Variants in SNTA1 observed in about 807,000 individuals in gnomAD.
SNTA1 encodes the protein syntrophin alpha 1, also known as alpha-1-syntrophin.
SNTA1 carries 31 observed loss-of-function variants against 47.1 expected under a neutral mutation model. That is an observed-to-expected ratio of 0.66 (90% CI 0.49 to 0.89). SNTA1 has a LOEUF of 0.89. Ranked by LOEUF, SNTA1 falls within the 40% of genes least tolerant of loss-of-function variation. The pLI, the probability that SNTA1 is intolerant of heterozygous loss-of-function variation, is 0.00. For missense variants in SNTA1, 575 were observed against 693.0 expected, an observed-to-expected ratio of 0.83 and a Z score of 1.91; for synonymous variants, 300 against 313.6, an observed-to-expected ratio of 0.96 and a Z score of 0.46.
chr20:33,435,387 G>A (rs761953269), intron 2 of SNTA1, among the ~76,000 whole-genome samples: 7 of 151,092 alleles, frequency 4.6e-5, no homozygotes, highest in Non-Finnish European at 7.4e-5. Flanking sequence ...CACTGAGGCC[G>A]GGAGTTCGAG....
intron 2 of SNTA1, among the ~76,000 whole-genome samples, chr20:33,431,614 T>G (rs1302961356): frequency 6.6e-6 from 1 of 151,960 alleles, no homozygotes; most frequent in Non-Finnish European, 1.5e-5. Context: ...CCAGGCATGG[T>G]GGCACGCGCC....
chr20:33,425,222 A>T (rs1422110428), intron 2 of SNTA1, among the ~76,000 whole-genome samples: 2 of 152,044 alleles, frequency 1.3e-5, no homozygotes, highest in African/African-American at 4.8e-5. Context: ...GGCTGCTATG[A>T]TCATGCAACT....
chr20:33,440,318 T>TG (rs1314520600), intron 1 of SNTA1, among the ~76,000 whole-genome samples: 9 of 151,844 alleles, frequency 5.9e-5, no homozygotes, highest in Admixed American at 1.3e-4. Flanking sequence ...TAGCCGGGCA[T>TG]GGGGGCGCAT....
intron 2 of SNTA1, among the ~76,000 whole-genome samples, chr20:33,429,545 G>A (rs1237636997): frequency 1.3e-5 from 2 of 151,356 alleles, no homozygotes; most frequent in African/African-American, 2.4e-5. Flanking sequence ...CACGAGAATC[G>A]CTTGAACCCA....
chr20:33,413,890 T>C lies in SNTA1; in HGVS notation c.702-1108A>G, dbSNP rs190628887. On this transcript the variant is annotated intron_variant, in intron 3 of 7. Coordinates refer to ENST00000217381, the MANE Select transcript of SNTA1 (RefSeq NM_003098.3). ...AGGAGTTTGAGGCTGCAGTAAGCTA[T>C]AAGGGTGCCAGTGCACTCCAGCCTA... 2.0e-5 allele frequency among the ~76,000 whole-genome samples: 3 copies of C among 151,010 alleles called. No homozygotes were observed. In the East Asian group the frequency reaches 5.9e-4, roughly 30 times the overall value.
chr20:33,416,838 G>A (rs1184384365), intron 3 of SNTA1, among the ~76,000 whole-genome samples: 2 of 151,810 alleles, frequency 1.3e-5, no homozygotes, highest in Non-Finnish European at 2.9e-5. Flanking sequence ...CTACTTGGGA[G>A]GCTGAGGGAG....
rs180921012 is a variant in SNTA1 at position 33,438,730 on chromosome 20, C to T, written c.496+111G>A. 14,751 of 936,458 alleles carry T rather than the reference C, an allele frequency of 0.016. 176 individuals carry two copies. The highest frequency in any genetic ancestry group is 0.018 in the Non-Finnish European group (9,996 of 569,166). 58.0% of individuals were successfully genotyped at this position (936,458 alleles called of 1,614,324 possible). A position where few individuals can be genotyped will look rare whatever the true frequency, so the allele number is the denominator to read the frequency against. ...TTCTGTTTCTGTTTTCAGTCCTGCC[C>T]ACCTCCCAGCCCCCAGTGCTGGGAT... On this transcript the variant is annotated intron_variant, in intron 2 of 7. Coordinates refer to ENST00000217381, the MANE Select transcript of SNTA1 (RefSeq NM_003098.3).
At chr20:33,424,231 T>G (rs144945168) in intron 2 of SNTA1, among the ~76,000 whole-genome samples, 2,462 of 150,300 alleles carry the variant, frequency 0.016, 61 homozygotes, top group African/African-American at 0.056. Flanking sequence ...GGAGAGTGGC[T>G]TGAACGTGGG....
intron 2 of SNTA1, among the ~76,000 whole-genome samples, chr20:33,423,045 T>C (rs291686): frequency 0.61 from 92,396 of 151,892 alleles, 28,881 homozygotes; most frequent in South Asian, 0.69. Context: ...GTCTGACTCT[T>C]CTCTGTGTCC....
At chr20:33,431,144 C>A (rs919609724) in intron 2 of SNTA1, among the ~76,000 whole-genome samples, 1 of 151,992 alleles carries the variant, frequency 6.6e-6, no homozygotes, top group African/African-American at 2.4e-5. Flanking sequence ...GCCTGTAGTC[C>A]CAGCTACTGG....
At chr20:33,439,759 C>G (rs142286919) in intron 1 of SNTA1, among the ~76,000 whole-genome samples, 1 of 152,018 alleles carries the variant, frequency 6.6e-6, no homozygotes, top group East Asian at 1.9e-4. Flanking sequence ...CCAAGGTGGT[C>G]GGATCACTTG....
rs1033072809 is a variant in SNTA1, at chr20:33,443,191, A to AC, written c.310+119dup. On this transcript the variant is annotated intron_variant, in intron 1 of 7. Coordinates refer to ENST00000217381, the MANE Select transcript of SNTA1 (RefSeq NM_003098.3). ...TGCCCTCCGTTACCTGTTTCCTCAG[A>AC]CCCCCCTTACCCCCAGACAGGAAGC... 410 of 695,188 alleles carry AC rather than the reference A, an allele frequency of 5.9e-4. 1 individual carries two copies. The highest frequency in any genetic ancestry group is 1.0e-3 in the African/African-American group (53 of 52,084). 43.1% of individuals were successfully genotyped at this position (695,188 alleles called of 1,614,324 possible). A position where few individuals can be genotyped will look rare whatever the true frequency, so the allele number is the denominator to read the frequency against.
At chr20:33,442,926 A>T (rs1990611573) in intron 1 of SNTA1, among the ~76,000 whole-genome samples, 1 of 149,270 alleles carries the variant, frequency 6.7e-6, no homozygotes, top group Non-Finnish European at 1.5e-5. Context: ...CTTCTCAGGG[A>T]CTCCCTCCTC....
intron 2 of SNTA1, among the ~76,000 whole-genome samples, chr20:33,424,524 A>G (rs1278118165): frequency 6.6e-6 from 1 of 151,170 alleles, no homozygotes; most frequent in Non-Finnish European, 1.5e-5. Context: ...ATTAAAAAAA[A>G]AAAAATTTTG....
chr20:33,432,934 A>C (rs1990345614), intron 2 of SNTA1, among the ~76,000 whole-genome samples: 1 of 151,516 alleles, frequency 6.6e-6, no homozygotes, highest in Non-Finnish European at 1.5e-5. Flanking sequence ...TCACTTTATT[A>C]ATTTTTTTTT....
At position 33,435,678 on chromosome 20, in the gene SNTA1, T is replaced by C. The variant is rs1172668819; in HGVS notation, c.496+3163A>G. On this transcript the variant is annotated intron_variant, in intron 2 of 7. Coordinates refer to ENST00000217381, the MANE Select transcript of SNTA1 (RefSeq NM_003098.3). ...TGGTGAGCTCCTTCAGGAGAGGCCC[T>C]GGGTGTAGTTTAGCTTCTGACCTTA... 2.0e-5 allele frequency among the ~76,000 whole-genome samples: 3 copies of C among 152,162 alleles called. No individual in the cohort carries two copies. The East Asian group carries it at 5.8e-4, about 29-fold the overall frequency.
Position 33,438,935 on chromosome 20 carries a change from G to A in SNTA1, c.402C>T (p.Ala134=). The A allele has an allele frequency of 6.2e-7, 1 of 1,614,026 alleles. No individual in the cohort carries two copies. Among genetic ancestry groups the A allele is most frequent in the East Asian group, 2.2e-5 (1 of 44,880 alleles). The change falls in exon 2 of 8, where the codon GCC becomes GCT. Residue 134 remains alanine (A), a synonymous_variant. Transcript: ENST00000217381. ...DQTEALFVGD[A]ILSVNGEDLS... ...AGTCTTCCCCATTCACAGACAGGAT[G>A]GCATCCCCCACAAAAAGGGCCTCTG...
rs935819063 is a variant in SNTA1 at position 33,443,453 on chromosome 20, C to A, written c.168G>T (p.Pro56=). The change falls in exon 1 of 8, where the codon CCG becomes CCT. Residue 56 remains proline (P), a synonymous_variant. Coordinates refer to ENST00000217381, the MANE Select transcript of SNTA1 (RefSeq NM_003098.3). ...DGDPGPEPGA[P]REQEPAQLNG... is the part of the protein sequence containing the mutation. Reference sequence around the variant, plus strand: ...TGAGCTGCGCGGGCTCCTGCTCCCGCGGAGCGCCGGGCTCGGGACCAGGGT... The same window carrying A: ...TGAGCTGCGCGGGCTCCTGCTCCCGAGGAGCGCCGGGCTCGGGACCAGGGT... 3.7e-6 allele frequency: 5 copies of A among 1,362,958 alleles called. No individual in the cohort carries two copies. In the African/African-American group the frequency reaches 7.6e-5, roughly 21 times the overall value. 84.4% of individuals were successfully genotyped at this position (1,362,958 alleles called of 1,614,324 possible).
chr20:33,442,253 A>G (rs1026084956), intron 1 of SNTA1, among the ~76,000 whole-genome samples: 1 of 152,104 alleles, frequency 6.6e-6, no homozygotes, highest in Non-Finnish European at 1.5e-5. Flanking sequence ...GCCTCAGCCA[A>G]GCCAAACGGT....
Sources: allele counts gnomAD v4.1 joint callset (sites outside exome capture counted in the v4.1 genomes callset), GRCh38; gene constraint gnomAD v4.1.1; transcripts MANE v1.5; gene names NCBI Gene and HGNC (gene_info 2026-07-23, HGNC 2026-07-21).